The following PDE10A variants were observed in gnomAD, a reference collection of about 807,000 sequenced individuals.
PDE10A encodes the protein cAMP and cAMP-inhibited cGMP 3',5'-cyclic phosphodiesterase 10A.
In PDE10A, 39 loss-of-function variants were observed where a neutral mutation model predicts 97.7. That is an observed-to-expected ratio of 0.40 (90% CI 0.31 to 0.52). The LOEUF is 0.52. Ranked by LOEUF, PDE10A falls within the 20% of genes least tolerant of loss-of-function variation. The probability of loss-of-function intolerance (pLI) is 0.56; values close to 1 mark genes in which losing one functional copy is unlikely to be tolerated. For missense variants in PDE10A, 731 were observed against 1,047.8 expected, an observed-to-expected ratio of 0.70 and a Z score of 4.17; for synonymous variants, 371 against 376.8, an observed-to-expected ratio of 0.98 and a Z score of 0.18.
intron 1 of PDE10A, among the ~76,000 whole-genome samples, chr6:165,634,338 G>T (rs1333214496): frequency 6.6e-6 from 1 of 152,074 alleles, no homozygotes; most frequent in East Asian, 1.9e-4. Context: ...GGCACAGCTG[G>T]GAGAGTGAGC....
intron 21 of PDE10A, among the ~76,000 whole-genome samples, chr6:165,334,027 A>G (rs1562356301): frequency 6.6e-6 from 1 of 152,272 alleles, no homozygotes; most frequent in Non-Finnish European, 1.5e-5. Flanking sequence ...CTTTTGTAAC[A>G]TATCATCAAG....
chr6:165,626,903 A>G (rs1788414535), intron 1 of PDE10A, among the ~76,000 whole-genome samples: 1 of 152,200 alleles, frequency 6.6e-6, no homozygotes, highest in Non-Finnish European at 1.5e-5. Context: ...AGGATTTATG[A>G]CACGGGCTTA....
intron 1 of PDE10A, among the ~76,000 whole-genome samples, chr6:165,653,787 C>T (rs1789802858): frequency 6.6e-6 from 1 of 152,178 alleles, no homozygotes; most frequent in African/African-American, 2.4e-5. Context: ...ACACCGTGCC[C>T]TCTGGCACCT....
chr6:165,542,861 G>A (rs989070928), intron 2 of PDE10A, among the ~76,000 whole-genome samples: 4 of 151,752 alleles, frequency 2.6e-5, no homozygotes, highest in South Asian at 2.1e-4. Context: ...CTCGTGATCC[G>A]CCCGCCTCAG....
chr6:165,515,995 G>A (rs911587214), intron 2 of PDE10A, among the ~76,000 whole-genome samples: 1 of 152,036 alleles, frequency 6.6e-6, no homozygotes, highest in Non-Finnish European at 1.5e-5. Flanking sequence ...AAAGGAACTC[G>A]GTGAAACTGT....
intron 1 of PDE10A, among the ~76,000 whole-genome samples, chr6:165,969,348 G>A (rs1784603984): frequency 1.3e-5 from 2 of 152,150 alleles, no homozygotes; most frequent in African/African-American, 4.8e-5. Context: ...GGAGGGGGTA[G>A]GGACAGTGTC....
chr6:165,946,854 A>C (rs976980945), intron 1 of PDE10A: 2 of 152,256 alleles, frequency 1.3e-5, no homozygotes, highest in Non-Finnish European at 2.9e-5. Context: ...TTTTCTATCT[A>C]TATATACACT....
chr6:165,555,888 T>C (rs528682481), intron 1 of PDE10A, among the ~76,000 whole-genome samples: 2 of 152,296 alleles, frequency 1.3e-5, no homozygotes, highest in South Asian at 2.1e-4. Flanking sequence ...ACAAGTACAG[T>C]TGACACTTGA....
intron 1 of PDE10A, among the ~76,000 whole-genome samples, chr6:165,705,915 G>T (rs906513372): frequency 6.6e-6 from 1 of 152,182 alleles, no homozygotes; most frequent in African/African-American, 2.4e-5. Context: ...AAATGGATTT[G>T]CCCAAAATCT....
At chr6:165,953,395 C>A (rs57816219) in intron 1 of PDE10A, among the ~76,000 whole-genome samples, 20,417 of 151,954 alleles carry the variant, frequency 0.13, 1,714 homozygotes, top group African/African-American at 0.23. Flanking sequence ...GTTCAAGACT[C>A]ACCTGACCAA....
intron 1 of PDE10A, among the ~76,000 whole-genome samples, chr6:165,783,540 T>C (rs973666725): frequency 6.6e-6 from 1 of 152,064 alleles, no homozygotes; most frequent in Admixed American, 6.5e-5. Context: ...ATTAAAGTAG[T>C]GGTGGACATT....
intron 18 of PDE10A, among the ~76,000 whole-genome samples, chr6:165,364,841 T>C (rs1171026607): frequency 6.6e-6 from 1 of 152,068 alleles, no homozygotes; most frequent in African/African-American, 2.4e-5. Flanking sequence ...ATTTCGAAAT[T>C]AGAAAATTAC....
At position 165,812,791 on chromosome 6, in the gene PDE10A, C is replaced by T. The variant is rs766430020; in HGVS notation, c.-615+174738G>A. Reference sequence around the variant, plus strand: ...TCTACTCTCTAACAACCTACAAAAACGGTAGGTACAATTATCTTCATCATA... The same window carrying T: ...TCTACTCTCTAACAACCTACAAAAATGGTAGGTACAATTATCTTCATCATA... On this transcript the variant is annotated intron_variant, in intron 1 of 19. Transcript: ENST00000366882. Among the ~76,000 whole-genome samples the T allele has an allele frequency of 4.6e-5, 7 of 152,120 alleles. No individual in the cohort carries two copies. In the East Asian group the frequency reaches 5.8e-4, roughly 13 times the overall value.
intron 1 of PDE10A, among the ~76,000 whole-genome samples, chr6:165,864,620 G>A (rs1669680552): frequency 6.6e-6 from 1 of 152,136 alleles, no homozygotes; most frequent in African/African-American, 2.4e-5. Flanking sequence ...TGGCTAGTGG[G>A]AGTGAACCCC....
At chr6:165,383,024 T>C (rs1785034850) in intron 17 of PDE10A, among the ~76,000 whole-genome samples, 1 of 152,118 alleles carries the variant, frequency 6.6e-6, no homozygotes, top group South Asian at 2.1e-4. Flanking sequence ...TTGGAAGAAC[T>C]CTCTAGCTAA....
chr6:165,430,229 G>T, intron 9 of PDE10A, 58 bp downstream of exon 9: 1 of 1,204,432 alleles, frequency 8.3e-7, no homozygotes, highest in Non-Finnish European at 1.2e-6. Context: ...GCCACAGGCT[G>T]CCCTTAATTT....
chr6:165,550,146 A>C (rs569572247), intron 1 of PDE10A, among the ~76,000 whole-genome samples: 1 of 152,292 alleles, frequency 6.6e-6, no homozygotes, highest in Non-Finnish European at 1.5e-5. Flanking sequence ...TCCTGACCTT[A>C]AAAGAATTAT....
At chr6:165,392,554 A>C in intron 16 of PDE10A, 92 bp downstream of exon 16, 1 of 1,261,084 alleles carries the variant, frequency 7.9e-7, no homozygotes, top group African/African-American at 1.5e-5. Context: ...TTGGAATAAC[A>C]TGTCACAAAT....
chr6:165,393,264 T>G (rs1241681669), intron 15 of PDE10A, among the ~76,000 whole-genome samples: 1 of 152,130 alleles, frequency 6.6e-6, no homozygotes, highest in Non-Finnish European at 1.5e-5. Context: ...TTACTATACT[T>G]TCAAAGTAAT....
Sources: gnomAD v4.1 joint callset for allele counts (sites outside exome capture counted in the v4.1 genomes callset) on GRCh38, gnomAD v4.1.1 for gene constraint, MANE v1.5 for transcripts, NCBI Gene and HGNC (gene_info 2026-07-23, HGNC 2026-07-21) for gene names.